Variants in CHN2 observed in about 807,000 individuals in gnomAD.
The protein encoded by CHN2 is beta-chimaerin.
CHN2 carries 35 observed loss-of-function variants against 56.3 expected under a neutral mutation model. The ratio of observed to expected loss-of-function variants is 0.62; its 90% CI spans 0.47 to 0.82. The LOEUF is 0.82. Among genes scored for constraint, CHN2 ranks in the 40% least tolerant of loss-of-function variants. The probability of loss-of-function intolerance (pLI) is 0.00; values close to 1 mark genes in which losing one functional copy is unlikely to be tolerated. For missense variants in CHN2, 491 were observed against 580.5 expected (o/e 0.85, Z 1.58); for synonymous variants, 210 against 212.8 (o/e 0.99, Z 0.12).
At chr7:29,278,579 T>C (rs1012919404) in intron 1 of CHN2, among the ~76,000 whole-genome samples, 2 of 152,146 alleles carry the variant, frequency 1.3e-5, no homozygotes, top group Non-Finnish European at 2.9e-5. Context: ...TCATCTTGCT[T>C]CTCTAGGGCT....
At chr7:29,219,250 T>C (rs1014155079) in intron 1 of CHN2, among the ~76,000 whole-genome samples, 1 of 152,172 alleles carries the variant, frequency 6.6e-6, no homozygotes, top group Non-Finnish European at 1.5e-5. Context: ...GAAACGTTTT[T>C]AGGAAAGGTT....
At chr7:29,350,028 C>T (rs1401439794) in intron 1 of CHN2, among the ~76,000 whole-genome samples, 2 of 152,096 alleles carry the variant, frequency 1.3e-5, no homozygotes, top group African/African-American at 4.8e-5. Context: ...CACTAATTTT[C>T]TTTCTTTATT....
At chr7:29,154,091 C>G (rs1200473364) in intron 2 of CHN2, among the ~76,000 whole-genome samples, 1 of 152,122 alleles carries the variant, frequency 6.6e-6, no homozygotes, top group Non-Finnish European at 1.5e-5. Flanking sequence ...CTGCATTTCT[C>G]GAGAGTCAAC....
chr7:29,178,477 C>T (rs1033542022), intron 2 of CHN2, among the ~76,000 whole-genome samples: 2 of 152,142 alleles, frequency 1.3e-5, no homozygotes, highest in African/African-American at 2.4e-5. Flanking sequence ...CCCTTTAAAT[C>T]TGCTGTTCCC....
intron 3 of CHN2, among the ~76,000 whole-genome samples, chr7:29,375,442 C>T (rs572830312): frequency 2.0e-5 from 3 of 152,204 alleles, no homozygotes; most frequent in Non-Finnish European, 4.4e-5. Context: ...GTGATCCACC[C>T]GCCTCGGCCT....
At position 29,507,414 on chromosome 7, in the gene CHN2, G is replaced by A. The variant is rs767440639; in HGVS notation, c.1129+49G>A. 1.7e-5 allele frequency: 24 copies of A among 1,407,410 alleles called. 1 individual carries two copies. Among genetic ancestry groups the A allele is most frequent in the East Asian group, 6.9e-5 (3 of 43,578 alleles). 87.2% of individuals were successfully genotyped at this position (1,407,410 alleles called of 1,614,324 possible). Reference sequence around the variant, plus strand: ...TATTTCTACCAAATTTTTAAGTACAGTGCTTTTGACCTTCAGATAATTAAA... The same window carrying A: ...TATTTCTACCAAATTTTTAAGTACAATGCTTTTGACCTTCAGATAATTAAA... On this transcript the variant is annotated intron_variant, in intron 11 of 12. Coordinates refer to ENST00000222792, the MANE Select transcript of CHN2 (RefSeq NM_004067.4).
intron 6 of CHN2, among the ~76,000 whole-genome samples, chr7:29,440,156 G>A (rs1015819453): frequency 6.6e-6 from 1 of 152,108 alleles, no homozygotes; most frequent in Admixed American, 6.5e-5. Flanking sequence ...TTCTAGCAAG[G>A]TTCATCCCCC....
At chr7:29,239,214 G>T (rs549952002) in intron 1 of CHN2, among the ~76,000 whole-genome samples, 1 of 152,084 alleles carries the variant, frequency 6.6e-6, no homozygotes, top group Non-Finnish European at 1.5e-5. Flanking sequence ...ATTTTGAGGG[G>T]TTTGAAGGTA....
chr7:29,415,651 G>A (rs578095551), intron 6 of CHN2, among the ~76,000 whole-genome samples: 32 of 152,234 alleles, frequency 2.1e-4, no homozygotes, highest in Non-Finnish European at 3.5e-4. Context: ...GGAGATGGGC[G>A]GGCTTGGGAA....
At chr7:29,324,901 CT>C (rs1267448127) in intron 1 of CHN2, among the ~76,000 whole-genome samples, 1 of 152,164 alleles carries the variant, frequency 6.6e-6, no homozygotes, top group Non-Finnish European at 1.5e-5. Flanking sequence ...ACAAGAAATA[CT>C]TTCCTATCAA....
chr7:29,189,885 T>C (rs2128753005), upstream of CHN2, among the ~76,000 whole-genome samples: 1 of 152,302 alleles, frequency 6.6e-6, no homozygotes, highest in Non-Finnish European at 1.5e-5. Context: ...CTGCGTCGTG[T>C]GCCGCCACTA....
chr7:29,205,575 G>A (rs2128773159), intron 1 of CHN2, among the ~76,000 whole-genome samples: 1 of 152,260 alleles, frequency 6.6e-6, no homozygotes, highest in South Asian at 2.1e-4. Context: ...TGAGTGGTAA[G>A]TGACCACTCA....
chr7:29,240,980 G>A (rs2128810050), intron 1 of CHN2, among the ~76,000 whole-genome samples: 1 of 152,162 alleles, frequency 6.6e-6, no homozygotes, highest in Non-Finnish European at 1.5e-5. Context: ...CCACCTGCCA[G>A]GTTTAAGTGA....
At chr7:29,376,945 G>A (rs1343615642) in intron 3 of CHN2, among the ~76,000 whole-genome samples, 1 of 152,030 alleles carries the variant, frequency 6.6e-6, no homozygotes, top group Non-Finnish European at 1.5e-5. Context: ...CCATTTTCTG[G>A]TATTATACTT....
intron 1 of CHN2, among the ~76,000 whole-genome samples, chr7:29,311,573 C>T (rs1562909076): frequency 6.6e-6 from 1 of 152,206 alleles, no homozygotes; most frequent in Non-Finnish European, 1.5e-5. Context: ...TAATAAGATT[C>T]AGGTTCAAAC....
At chr7:29,260,828 A>G (rs985290235) in intron 1 of CHN2, among the ~76,000 whole-genome samples, 2 of 152,218 alleles carry the variant, frequency 1.3e-5, no homozygotes, top group African/African-American at 2.4e-5. Context: ...TAGCAGAGGA[A>G]AGAAATCCTT....
chr7:29,324,458 G>A (rs1414160106), intron 1 of CHN2, among the ~76,000 whole-genome samples: 1 of 152,170 alleles, frequency 6.6e-6, no homozygotes, highest in Non-Finnish European at 1.5e-5. Flanking sequence ...CAAGATAGGG[G>A]TTGGGTTAGT....
chr7:29,395,368 C>T (rs1801663843), intron 4 of CHN2, among the ~76,000 whole-genome samples: 1 of 152,066 alleles, frequency 6.6e-6, no homozygotes, highest in African/African-American at 2.4e-5. Flanking sequence ...ACAAGAAATA[C>T]AAATATTACC....
intron 6 of CHN2, among the ~76,000 whole-genome samples, chr7:29,451,123 C>CCCA (rs1784375578): frequency 6.6e-6 from 1 of 152,168 alleles, no homozygotes; most frequent in African/African-American, 2.4e-5. Context: ...ACAACGCACC[C>CCCA]CCACCACCAC....
Sources: gnomAD v4.1 joint callset for allele counts (sites outside exome capture counted in the v4.1 genomes callset) on GRCh38, gnomAD v4.1.1 for gene constraint, MANE v1.5 for transcripts, NCBI Gene and HGNC (gene_info 2026-07-23, HGNC 2026-07-21) for gene names.